The following GLYR1 variants were observed in gnomAD, a reference collection of about 807,000 sequenced individuals.
GLYR1 encodes the protein glyoxylate reductase 1 homolog.
GLYR1 carries 21 observed loss-of-function variants against 72.7 expected under a neutral mutation model. The ratio of observed to expected loss-of-function variants is 0.29; its 90% CI spans 0.20 to 0.42. GLYR1 has a LOEUF of 0.42. Ranked by LOEUF, GLYR1 falls within the 10% of genes least tolerant of loss-of-function variation. The pLI, the probability that GLYR1 is intolerant of heterozygous loss-of-function variation, is 1.00. For synonymous variants in GLYR1, 392 were observed against 270.2 expected, an observed-to-expected ratio of 1.45 and a Z score of -4.42; for missense variants, 594 against 712.1, an observed-to-expected ratio of 0.83 and a Z score of 1.89.
chr16:4,805,381 G>T, intron 15 of GLYR1, 71 bp from the exon 16 acceptor site: 2 of 1,323,138 alleles, frequency 1.5e-6, no homozygotes, highest in South Asian at 2.5e-5. Context: ...GATTCCTGGA[G>T]GCAGTGGTGG....
At chr16:4,809,471 G>A (rs1401818035) in intron 15 of GLYR1, among the ~76,000 whole-genome samples, 1 of 151,346 alleles carries the variant, frequency 6.6e-6, no homozygotes, top group East Asian at 2.0e-4. Context: ...AATTAGCCAG[G>A]CATGGTGGCA....
At chr16:4,827,222 G>A (rs1469124818) in intron 5 of GLYR1, among the ~76,000 whole-genome samples, 1 of 152,248 alleles carries the variant, frequency 6.6e-6, no homozygotes, top group Non-Finnish European at 1.5e-5. Flanking sequence ...CAGCCTATGT[G>A]ACTGCTCAGT....
At chr16:4,831,630 C>T (rs1040122068) in intron 5 of GLYR1, among the ~76,000 whole-genome samples, 34 of 152,356 alleles carry the variant, frequency 2.2e-4, no homozygotes, top group Non-Finnish European at 1.0e-4. Context: ...TTTACACCTG[C>T]ATCCAGGCCG....
intron 5 of GLYR1, among the ~76,000 whole-genome samples, chr16:4,824,871 C>G (rs1304364184): frequency 1.3e-5 from 2 of 152,164 alleles, no homozygotes; most frequent in Admixed American, 6.6e-5. Context: ...CTTGACACCC[C>G]CTGCCTAAAC....
chr16:4,843,467 T>A, intron 3 of GLYR1: 2 of 1,245,076 alleles, frequency 1.6e-6, no homozygotes, highest in Non-Finnish European at 2.1e-6. Flanking sequence ...ATCTTCTTTT[T>A]AAATCCATGG....
Position 4,832,555 on chromosome 16 carries a change from C to A in GLYR1, c.294+219G>T, listed in dbSNP as rs185842111. The A allele has an allele frequency of 5.0e-6, 3 of 598,346 alleles. No individual in the cohort carries two copies. In the African/African-American group the frequency reaches 5.6e-5, roughly 11 times the overall value. 37.1% of individuals were successfully genotyped at this position (598,346 alleles called of 1,614,324 possible). A position where few individuals can be genotyped will look rare whatever the true frequency, so the allele number is the denominator to read the frequency against. On this transcript the variant is annotated intron_variant, in intron 4 of 15. Coordinates refer to ENST00000321919, the MANE Select transcript of GLYR1 (RefSeq NM_032569.4). Reference sequence around the variant, plus strand: ...AATGCTGAGATATTTCTCCTGGGTCCAAGCAATTTTCCTAAAAGCAACAAC... The same window carrying A: ...AATGCTGAGATATTTCTCCTGGGTCAAAGCAATTTTCCTAAAAGCAACAAC...
chr16:4,813,941 C>T, intron 11 of GLYR1, 103 bp from the exon 12 acceptor site: 2 of 830,006 alleles, frequency 2.4e-6, no homozygotes, highest in African/African-American at 3.5e-5. Context: ...TGGCTCATTT[C>T]CTGATTTCTA....
Position 4,823,038 on chromosome 16 carries a change from G to A in GLYR1, c.625-107C>T, listed in dbSNP as rs569961618. 8.6e-6 allele frequency: 8 copies of A among 932,052 alleles called. No individual in the cohort carries two copies. The Admixed American group carries it at 1.5e-4, about 18-fold the overall frequency. The allele number at this position is 932,052 out of a possible 1,614,324, so 57.7% of individuals were successfully genotyped here. A position where few individuals can be genotyped will look rare whatever the true frequency, so the allele number is the denominator to read the frequency against. ...CTGGCTGCAACACCTCTGGATTCTG[G>A]TCTCTTTTTCACAATTGTCTGGAAA... On this transcript the variant is annotated intron_variant, in intron 6 of 15. Coordinates refer to ENST00000321919, the MANE Select transcript of GLYR1 (RefSeq NM_032569.4).
chr16:4,805,076 G>A lies in GLYR1; in HGVS notation c.*160C>T, dbSNP rs191382860. 3.0e-6 allele frequency: 2 copies of A among 660,110 alleles called. No individual in the cohort carries two copies. The highest frequency in any genetic ancestry group is 3.6e-5 in the African/African-American group (2 of 56,184). 40.9% of individuals were successfully genotyped at this position (660,110 alleles called of 1,614,324 possible). A position where few individuals can be genotyped will look rare whatever the true frequency, so the allele number is the denominator to read the frequency against. On this transcript the variant is annotated 3_prime_UTR_variant, in exon 16 of 16. Coordinates refer to ENST00000321919, the MANE Select transcript of GLYR1 (RefSeq NM_032569.4). Reference sequence around the variant, plus strand: ...CCTCCCCACCGGCCTCAGGGGAAGGGTGCTGCTGTGTGCTGTGCTGATGGC... The same window carrying A: ...CCTCCCCACCGGCCTCAGGGGAAGGATGCTGCTGTGTGCTGTGCTGATGGC...
intron 4 of GLYR1, 35 bp downstream of exon 4, chr16:4,832,739 T>C: frequency 1.9e-6 from 3 of 1,576,146 alleles, no homozygotes; most frequent in Middle Eastern, 3.4e-4. Flanking sequence ...ATCACCAGTC[T>C]GGCATTGGTA....
chr16:4,828,690 C>T lies in GLYR1; in HGVS notation c.537+3289G>A, dbSNP rs369150645. ...ACTGATCAAATGCCTTGTACACAGG[C>T]ACTGTTCTAAGTGCTGTGTCCATGT... On this transcript the variant is annotated intron_variant, in intron 5 of 15. Coordinates refer to ENST00000321919, the MANE Select transcript of GLYR1 (RefSeq NM_032569.4). Among the ~76,000 whole-genome samples, 58 of 152,186 alleles carry T rather than the reference C, an allele frequency of 3.8e-4. No homozygotes were observed. In the South Asian group the frequency reaches 7.9e-3, roughly 21 times the overall value.
At chr16:4,823,700 T>C in intron 6 of GLYR1, 121 bp downstream of exon 6, 1 of 802,784 alleles carries the variant, frequency 1.2e-6, no homozygotes, top group Non-Finnish European at 2.1e-6. Flanking sequence ...ACTTCTGTAC[T>C]GTTTTGTAAT....
chr16:4,816,491 CTA>C (rs2083650976), intron 10 of GLYR1, among the ~76,000 whole-genome samples: 2 of 152,094 alleles, frequency 1.3e-5, no homozygotes, highest in African/African-American at 2.4e-5. Flanking sequence ...AATTATCAAA[CTA>C]TGTTTAATAA....
chr16:4,824,330 C>T lies in GLYR1; in HGVS notation c.538-423G>A, dbSNP rs113138932. Among the ~76,000 whole-genome samples, 1,248 of 151,760 alleles carry T rather than the reference C, an allele frequency of 8.2e-3. 27 individuals carry two copies. The highest frequency in any genetic ancestry group is 0.029 in the African/African-American group (1,192 of 41,364). ...GAGATCGAGACCAGCCTGGCCAACACGGTGAAACCCCGTCTCTACTAAAAA... is the reference window on the plus strand; with the variant it reads ...GAGATCGAGACCAGCCTGGCCAACATGGTGAAACCCCGTCTCTACTAAAAA... On this transcript the variant is annotated intron_variant, in intron 5 of 15. Coordinates refer to ENST00000321919, the MANE Select transcript of GLYR1 (RefSeq NM_032569.4).
intron 2 of GLYR1, 42 bp from the exon 3 acceptor site, chr16:4,845,195 G>C: frequency 2.1e-6 from 3 of 1,430,740 alleles, no homozygotes; most frequent in Non-Finnish European, 2.0e-6. Flanking sequence ...TGGCAACACA[G>C]CAGCCCACTT....
intron 9 of GLYR1, among the ~76,000 whole-genome samples, chr16:4,819,570 C>G (rs546895601): frequency 1.3e-5 from 2 of 152,186 alleles, no homozygotes; most frequent in Non-Finnish European, 2.9e-5. Context: ...TTTGGTCTCC[C>G]AAAGTGTGGG....
intron 15 of GLYR1, among the ~76,000 whole-genome samples, chr16:4,805,748 T>C (rs1036343938): frequency 1.3e-5 from 2 of 151,554 alleles, no homozygotes; most frequent in Non-Finnish European, 2.9e-5. Flanking sequence ...GAGGCCAAGG[T>C]GGGTGAATCA....
At chr16:4,822,383 G>T (rs145216277) in intron 7 of GLYR1, among the ~76,000 whole-genome samples, 13 of 152,042 alleles carry the variant, frequency 8.6e-5, no homozygotes, top group African/African-American at 2.7e-4. Flanking sequence ...CACCATGCCC[G>T]GCCTTTGGGT....
rs572155168 is a variant in GLYR1, at chr16:4,808,418, G to A, written c.1587+2752C>T. On this transcript the variant is annotated intron_variant, in intron 15 of 15. Transcript: ENST00000321919. ...TTGAGACCAACCTGGCCAACATGGTGAAACCGTATCTCTACTAAAAATACA... is the reference window on the plus strand; with the variant it reads ...TTGAGACCAACCTGGCCAACATGGTAAAACCGTATCTCTACTAAAAATACA... Among the ~76,000 whole-genome samples the A allele has an allele frequency of 3.3e-5, 5 of 151,876 alleles. No individual in the cohort carries two copies. In the South Asian group the frequency reaches 1.0e-3, roughly 32 times the overall value.
Sources: allele counts gnomAD v4.1 joint callset (sites outside exome capture counted in the v4.1 genomes callset), GRCh38; gene constraint gnomAD v4.1.1; transcripts MANE v1.5; gene names NCBI Gene and HGNC (gene_info 2026-07-23, HGNC 2026-07-21).